CRAMP1: variants seen among roughly 807,000 people sequenced by gnomAD.
CRAMP1 encodes cramped chromatin regulator 1.
CRAMP1 carries 50 observed loss-of-function variants against 115.4 expected under a neutral mutation model. That is an observed-to-expected ratio of 0.43 (90% confidence interval 0.35 to 0.55). The LOEUF is 0.55. CRAMP1 is among the 20% of genes least tolerant of loss of function. CRAMP1 has a pLI of 0.01. For missense variants in CRAMP1, 1,679 were observed against 1,721.7 expected (o/e 0.98, Z 0.44); for synonymous variants, 866 against 745.4 (o/e 1.16, Z -2.64).
At chr16:1,615,019 C>T (rs915549382) in intron 2 of CRAMP1, 34 bp downstream of exon 2, 14 of 1,184,854 alleles carry the variant, frequency 1.2e-5, no homozygotes, top group African/African-American at 6.3e-5. Flanking sequence ...AGACCCCAGC[C>T]CCTCTCCGGG....
At chr16:1,660,264 G>A (rs2142202194) in intron 11 of CRAMP1, among the ~76,000 whole-genome samples, 1 of 152,372 alleles carries the variant, frequency 6.6e-6, no homozygotes, top group Admixed American at 6.5e-5. Context: ...TTGTCGTGAA[G>A]GACTTTGGGG....
At chr16:1,650,467 T>C (rs1203424780) in intron 6 of CRAMP1, among the ~76,000 whole-genome samples, 1 of 152,226 alleles carries the variant, frequency 6.6e-6, no homozygotes, top group African/African-American at 2.4e-5. Flanking sequence ...TGCATAAATA[T>C]AAGTCTTAAG....
chr16:1,648,023 C>T (rs144656191), intron 6 of CRAMP1, among the ~76,000 whole-genome samples: 67 of 151,914 alleles, frequency 4.4e-4, no homozygotes, highest in African/African-American at 1.4e-3. Flanking sequence ...AGCCTCAAGT[C>T]GGTCGCAGAA....
chr16:1,613,035 G>A (rs2036373677), intron 1 of CRAMP1, among the ~76,000 whole-genome samples: 1 of 152,100 alleles, frequency 6.6e-6, no homozygotes, highest in Non-Finnish European at 1.5e-5. Context: ...GTTCACTCTG[G>A]TGGCCGAGTT....
At chr16:1,635,173 C>T (rs2036577745) in intron 4 of CRAMP1, among the ~76,000 whole-genome samples, 1 of 152,206 alleles carries the variant, frequency 6.6e-6, no homozygotes, top group Non-Finnish European at 1.5e-5. Flanking sequence ...GCAAGGATTA[C>T]AGGCGTGAGC....
intron 14 of CRAMP1, chr16:1,665,662 T>C: frequency 4.4e-6 from 1 of 226,162 alleles, no homozygotes; most frequent in South Asian, 8.1e-5. Context: ...AATTGCTTTT[T>C]CTCTTGCCTA....
chr16:1,658,423 A>G (rs1440957962), intron 10 of CRAMP1, among the ~76,000 whole-genome samples: 1 of 151,952 alleles, frequency 6.6e-6, no homozygotes, highest in East Asian at 1.9e-4. Flanking sequence ...TGCCCCAGGG[A>G]AGGGGCCAGG....
At position 1,614,725 on chromosome 16, in the gene CRAMP1, AAGG is replaced by A. The variant is rs1192960121; in HGVS notation, c.89_91del (p.Gly30del). 3.7e-6 allele frequency: 5 copies of A among 1,364,580 alleles called. No homozygotes were observed. Among genetic ancestry groups the A allele is most frequent in the Non-Finnish European group, 4.8e-6 (5 of 1,047,392 alleles). 84.5% of individuals were successfully genotyped at this position (1,364,580 alleles called of 1,614,324 possible). ...CGGGCGGCCGATGAGGAGTCCCTGG[AAGG>A]AGAAGGGGCCGGCGGCGCAGACGCG... On this transcript the variant is annotated inframe_deletion, in exon 2 of 21. Coordinates refer to ENST00000397412, the MANE Select transcript of CRAMP1 (RefSeq NM_020825.4). The surrounding 1 kb of genome is among the most constrained non-coding windows in gnomAD (Gnocchi z 4.4).
intron 2 of CRAMP1, among the ~76,000 whole-genome samples, chr16:1,618,539 C>G (rs897089468): frequency 6.6e-6 from 1 of 152,126 alleles, no homozygotes; most frequent in Non-Finnish European, 1.5e-5. Flanking sequence ...ATTTTGGTCC[C>G]CCTCTCACCC....
chr16:1,666,236 G>T lies in CRAMP1; in HGVS notation c.2857+59G>T. ...GTGAGCCTCTGAGGGATGTTTTTGT[G>T]ACCAGGTTTTTTGAATGTTTTCTTC... On this transcript the variant is annotated intron_variant, in intron 15 of 20. Coordinates refer to ENST00000397412, the MANE Select transcript of CRAMP1 (RefSeq NM_020825.4). This position sits in a 1 kb window ranked among gnomAD's most constrained non-coding sequence, Gnocchi z 5.0. 7.5e-7 allele frequency: 1 copy of T among 1,329,100 alleles called. No individual in the cohort carries two copies. Among genetic ancestry groups the T allele is most frequent in the South Asian group, 1.2e-5 (1 of 80,140 alleles). The allele number at this position is 1,329,100 out of a possible 1,614,324, so 82.3% of individuals were successfully genotyped here.
At position 1,656,924 on chromosome 16, in the gene CRAMP1, G is replaced by T. The variant is rs775345230; in HGVS notation, c.2167G>T (p.Ala723Ser). ...QDPRPGSLPT[A>S]LHKQRLLSCL... is the part of the protein sequence containing the mutation. ...CCCCCGCCCCGGCTCCCTACCCACC[G>T]CCCTCCACAAGCAGCGCCTCCTCAG... Residue 723 changes from alanine to serine, a missense_variant, in exon 10 of 21, where the codon GCC becomes TCC. By Grantham distance (99) the Ala-to-Ser change is moderately conservative. Coordinates refer to ENST00000397412, the MANE Select transcript of CRAMP1 (RefSeq NM_020825.4). This position sits in a 1 kb window ranked among gnomAD's most constrained non-coding sequence, Gnocchi z 5.6. 1.3e-5 allele frequency: 20 copies of T among 1,557,008 alleles called. No homozygotes were observed. Among genetic ancestry groups the T allele is most frequent in the Non-Finnish European group, 1.7e-5 (19 of 1,151,024 alleles).
At chr16:1,629,096 C>G (rs1367731836) in intron 3 of CRAMP1, among the ~76,000 whole-genome samples, 1 of 152,230 alleles carries the variant, frequency 6.6e-6, no homozygotes, top group Non-Finnish European at 1.5e-5. Flanking sequence ...GTTCCTGTTC[C>G]TGCTTATATC....
intron 2 of CRAMP1, among the ~76,000 whole-genome samples, chr16:1,619,021 T>G (rs909349171): frequency 5.3e-5 from 8 of 152,252 alleles, no homozygotes; most frequent in Admixed American, 2.6e-4. Flanking sequence ...AGGTAGACTT[T>G]TCGATTTTCA....
intron 6 of CRAMP1, chr16:1,645,398 G>T: frequency 4.6e-6 from 1 of 215,564 alleles, no homozygotes; most frequent in South Asian, 4.7e-5. Context: ...ATGTTGGCCA[G>T]GCTGGTCTTG....
intron 11 of CRAMP1, 114 bp from the exon 12 acceptor site, chr16:1,662,376 C>A (rs60354228): frequency 0.024 from 19,366 of 810,974 alleles, 1,746 homozygotes; most frequent in Admixed American, 0.21. Context: ...TCAAGGCAGC[C>A]GAACGGGTTG....
At position 1,641,142 on chromosome 16, in the gene CRAMP1, T is replaced by G; in HGVS notation, c.782T>G (p.Met261Arg). ...TATTTATTTTTTCCATTTAAAGGTA[T>G]GGATGACAAGAATGCAACAAAGCTG... ...GELRKKIGGCMDDKNATKLNE... is the reference protein window; with the variant it reads ...GELRKKIGGCRDDKNATKLNE... The change falls in exon 6 of 21, where the codon ATG becomes AGG. Residue 261 changes from methionine to arginine, a missense_variant. By Grantham distance (91) the Met-to-Arg change is moderately conservative (BLOSUM62 -1). Transcript: ENST00000397412. 1 of 1,610,006 alleles carries G rather than the reference T, an allele frequency of 6.2e-7. No homozygotes were observed. The highest frequency in any genetic ancestry group is 8.5e-7 in the Non-Finnish European group (1 of 1,176,420).
chr16:1,655,807 T>C, intron 9 of CRAMP1, 70 bp from the exon 10 acceptor site: 2 of 1,533,122 alleles, frequency 1.3e-6, no homozygotes, highest in Non-Finnish European at 1.8e-6. Context: ...CTCGTGTCTG[T>C]ACCCATGTGC....
At position 1,673,953 on chromosome 16, in the gene CRAMP1, G is replaced by T. The variant is rs1018206400; in HGVS notation, c.3718G>T (p.Ala1240Ser). Residue 1240 changes from alanine (A) to serine (S), a missense_variant, in exon 21 of 21, where the codon GCC (alanine) becomes TCC (serine). Around this residue, in one of 8 missense-constraint regions of CRAMP1, gnomAD observed 709 missense variants for 741.9 expected, o/e 0.96. Transcript: ENST00000397412. ...TTACATTTCTCGGTTCAATGACCTG[G>T]CCCAAGAGCTGTCCATCGCTGAGCC... ...IDYISRFNDL[A>S]QELSIAEPGR... 3 of 1,613,456 alleles carry T rather than the reference G, an allele frequency of 1.9e-6. No individual in the cohort carries two copies. In the African/African-American group the frequency reaches 4.0e-5, roughly 22 times the overall value.
At chr16:1,652,906 C>A in intron 7 of CRAMP1, 127 bp from the exon 8 acceptor site, 3 of 1,148,152 alleles carry the variant, frequency 2.6e-6, no homozygotes, top group Non-Finnish European at 2.5e-6. Context: ...GGTTTCTCTG[C>A]TCTCCTTGCC....
Sources: gnomAD v4.1 joint callset for allele counts (sites outside exome capture counted in the v4.1 genomes callset) on GRCh38, gnomAD v4.1.1 for gene constraint, gnomAD v4.1.1 regional missense constraint, Gnocchi (gnomAD v3.1) non-coding constraint, MANE v1.5 for transcripts, NCBI Gene and HGNC (gene_info 2026-07-23, HGNC 2026-07-21) for gene names.